Variants in CNTNAP2 observed in about 807,000 individuals in gnomAD.
CNTNAP2 encodes contactin associated protein 2.
In CNTNAP2, 98 loss-of-function variants were observed where a neutral mutation model predicts 155.2. That is an observed-to-expected ratio of 0.63 (90% CI 0.54 to 0.75). CNTNAP2 has a LOEUF of 0.75. CNTNAP2 is among the 30% of genes least tolerant of loss of function. The probability of loss-of-function intolerance (pLI) is 0.00; values close to 1 mark genes in which losing one functional copy is unlikely to be tolerated. For synonymous variants in CNTNAP2, 651 were observed against 631.2 expected, an observed-to-expected ratio of 1.03 and a Z score of -0.47; for missense variants, 1,727 against 1,688.1, an observed-to-expected ratio of 1.02 and a Z score of -0.40.
chr7:147,324,532 C>T (rs1264984443), intron 9 of CNTNAP2, among the ~76,000 whole-genome samples: 1 of 145,306 alleles, frequency 6.9e-6, no homozygotes, highest in Non-Finnish European at 1.5e-5. Context: ...CCCTAGATAT[C>T]AACTTAAAGG....
At chr7:148,390,233 T>C (rs1329651948) in intron 22 of CNTNAP2, among the ~76,000 whole-genome samples, 2 of 152,142 alleles carry the variant, frequency 1.3e-5, no homozygotes, top group Non-Finnish European at 2.9e-5. Flanking sequence ...AGAGGAGATG[T>C]TTTTACCTAA....
chr7:146,598,756 A>T (rs768821778), intron 1 of CNTNAP2, among the ~76,000 whole-genome samples: 6 of 151,960 alleles, frequency 3.9e-5, no homozygotes, highest in Non-Finnish European at 7.4e-5. Context: ...TCTTTAGGTG[A>T]TCTCACTCAG....
At chr7:146,288,319 T>A (rs974087671) in intron 1 of CNTNAP2, among the ~76,000 whole-genome samples, 6 of 145,056 alleles carry the variant, frequency 4.1e-5, no homozygotes, top group South Asian at 2.1e-4. Context: ...AAAAAAAAAA[T>A]TTGTGTTTTC....
intron 6 of CNTNAP2, among the ~76,000 whole-genome samples, chr7:147,124,876 C>CTT (rs371912854): frequency 2.1e-3 from 166 of 80,018 alleles, no homozygotes; most frequent in Non-Finnish European, 2.8e-3. Context: ...CCTTTTTTTC[C>CTT]TTTTTTTTTT....
intron 8 of CNTNAP2, among the ~76,000 whole-genome samples, chr7:147,268,528 G>A (rs775213022): frequency 2.6e-5 from 4 of 152,284 alleles, no homozygotes; most frequent in Non-Finnish European, 5.9e-5. Flanking sequence ...TGGGGTAGGG[G>A]AGGGATCGCG....
intron 1 of CNTNAP2, among the ~76,000 whole-genome samples, chr7:146,712,788 T>G (rs1387465980): frequency 2.0e-5 from 3 of 152,040 alleles, no homozygotes; most frequent in Non-Finnish European, 4.4e-5. Context: ...AACCTGCTTT[T>G]CATATTTTAC....
intron 15 of CNTNAP2, among the ~76,000 whole-genome samples, chr7:148,106,389 A>AG (rs60718953): frequency 0.16 from 24,319 of 151,134 alleles, 5,461 homozygotes; most frequent in African/African-American, 0.51. Context: ...AGGAAAAGAA[A>AG]AAAAGCATAA....
chr7:148,087,427 T>C (rs193069142), intron 15 of CNTNAP2, among the ~76,000 whole-genome samples: 3 of 152,292 alleles, frequency 2.0e-5, no homozygotes, highest in Admixed American at 1.3e-4. Context: ...ACTATCTTTT[T>C]ATATGGCTTA....
At chr7:147,999,697 C>G (rs1325046816) in intron 15 of CNTNAP2, among the ~76,000 whole-genome samples, 2 of 152,060 alleles carry the variant, frequency 1.3e-5, no homozygotes, top group African/African-American at 2.4e-5. Context: ...GGGCCCTAAC[C>G]CTATATGACC....
intron 1 of CNTNAP2, among the ~76,000 whole-genome samples, chr7:146,372,042 G>A (rs1347833172): frequency 1.3e-5 from 2 of 151,902 alleles, no homozygotes; most frequent in Admixed American, 6.6e-5. Context: ...GAGAAATAAA[G>A]GTAATTGTAA....
At position 146,362,766 on chromosome 7, in the gene CNTNAP2, C is replaced by CTTT. The variant is rs773124124; in HGVS notation, c.97+245814_97+245816dup. Among the ~76,000 whole-genome samples the CTTT allele has an allele frequency of 3.7e-3, 354 of 96,434 alleles. 3 individuals carry two copies. Among genetic ancestry groups the CTTT allele is most frequent in the Non-Finnish European group, 5.2e-3 (270 of 52,064 alleles). The allele number at this position is 96,434 out of a possible 152,430, so 63.3% of individuals were successfully genotyped here. ...AATGATATTAAATATTCACACAGCA[C>CTTT]TTTTTTTTTTTTTTTTTTTTTTTGA... On this transcript the variant is annotated intron_variant, in intron 1 of 23. Transcript: ENST00000361727.
rs945654196 is a variant in CNTNAP2, at chr7:148,022,368, C to T, written c.2383+44379C>T. On this transcript the variant is annotated intron_variant, in intron 15 of 23. Coordinates refer to ENST00000361727, the MANE Select transcript of CNTNAP2 (RefSeq NM_014141.6). ...CCTGTAGTCCCAGCTACTCAGGAGG[C>T]TGAGGCAGGAGAATTGCTTGAACCC... 6.0e-5 allele frequency among the ~76,000 whole-genome samples: 9 copies of T among 151,138 alleles called. No homozygotes were observed. The East Asian group carries it at 1.8e-3, about 30-fold the overall frequency.
At chr7:148,161,965 C>T (rs1310312122) in intron 17 of CNTNAP2, among the ~76,000 whole-genome samples, 1 of 152,188 alleles carries the variant, frequency 6.6e-6, no homozygotes, top group Non-Finnish European at 1.5e-5. Flanking sequence ...GTCATCAGAG[C>T]TACACTAATC....
At chr7:147,395,462 C>T in intron 9 of CNTNAP2, 147 bp from the exon 10 acceptor site, 1 of 772,924 alleles carries the variant, frequency 1.3e-6, no homozygotes, top group Non-Finnish European at 2.1e-6. Context: ...AAAAAACTTC[C>T]TTTTTCTACA....
At chr7:147,061,758 GAAAAC>G (rs138559098) in intron 4 of CNTNAP2, among the ~76,000 whole-genome samples, 7,699 of 150,604 alleles carry the variant, frequency 0.051, no homozygotes, top group African/African-American at 0.16. Flanking sequence ...TACTTTATTT[GAAAAC>G]AAAACAAAAC....
chr7:148,332,308 T>G (rs1798041322), intron 21 of CNTNAP2, among the ~76,000 whole-genome samples: 1 of 152,222 alleles, frequency 6.6e-6, no homozygotes, highest in African/African-American at 2.4e-5. Flanking sequence ...GCTTATGACA[T>G]GAAATTCTGG....
intron 13 of CNTNAP2, among the ~76,000 whole-genome samples, chr7:147,684,312 T>C (rs927034507): frequency 3.9e-5 from 6 of 152,032 alleles, no homozygotes; most frequent in African/African-American, 1.2e-4. Flanking sequence ...CTTGTTGGTA[T>C]GCTTTATCAC....
chr7:147,911,216 G>A (rs575181901), intron 14 of CNTNAP2, among the ~76,000 whole-genome samples: 181 of 152,302 alleles, frequency 1.2e-3, no homozygotes, highest in African/African-American at 4.1e-3. Context: ...CCTGAGGATA[G>A]CCACCAGGGA....
At chr7:147,737,151 GT>G (rs1796866401) in intron 13 of CNTNAP2, among the ~76,000 whole-genome samples, 2 of 152,110 alleles carry the variant, frequency 1.3e-5, no homozygotes, top group African/African-American at 4.8e-5. Context: ...CATCTTTGTG[GT>G]TTTATCTACC....
Sources: allele counts gnomAD v4.1 joint callset (sites outside exome capture counted in the v4.1 genomes callset), GRCh38; gene constraint gnomAD v4.1.1; transcripts MANE v1.5; gene names NCBI Gene and HGNC (gene_info 2026-07-23, HGNC 2026-07-21).